Variants in PCDH15 observed in about 807,000 individuals in gnomAD.
PCDH15 encodes protocadherin related 15.
A neutral mutation model predicts 178.5 loss-of-function variants in PCDH15; 129 were observed. The ratio of observed to expected loss-of-function variants is 0.72; its 90% CI spans 0.63 to 0.84. The LOEUF (loss-of-function observed/expected upper bound fraction) is 0.84, where lower values mean the gene tolerates loss of function less well. Among genes scored for constraint, PCDH15 ranks in the 40% least tolerant of loss-of-function variants. The pLI is 0.00. For synonymous variants in PCDH15, 800 were observed against 732.0 expected (o/e 1.09, Z -1.50); for missense variants, 2,230 against 2,099.9 (o/e 1.06, Z -1.21).
In PCDH15 at chr10:54,317,283, C is replaced by T; in HGVS notation, c.864G>A (p.Glu288=). 1 of 1,613,706 alleles carries T rather than the reference C, an allele frequency of 6.2e-7. No homozygotes were observed. The highest frequency in any genetic ancestry group is 2.2e-5 in the East Asian group (1 of 44,854). The change falls in exon 8 of 38, where the codon GAG becomes GAA. Residue 288 remains glutamate (E), a synonymous_variant. Coordinates refer to ENST00000644397, the MANE Select transcript of PCDH15 (RefSeq NM_001384140.1). ...RPLTYQAAIP[E]LRTPEELNPI... ...AGAGTATATTTACCGGAGTTCTCAA[C>T]TCAGGTATGGCAGCTTGATAAGTGA...
chr10:54,708,053 C>A (rs2095384753), intron 1 of PCDH15, among the ~76,000 whole-genome samples: 3 of 152,006 alleles, frequency 2.0e-5, no homozygotes. Context: ...AAAATATATG[C>A]AATTATAAAA....
chr10:53,960,227 CTTAT>C (rs2088154142), intron 22 of PCDH15, among the ~76,000 whole-genome samples: 2 of 152,254 alleles, frequency 1.3e-5, no homozygotes, highest in South Asian at 4.1e-4. Context: ...CACCAATACA[CTTAT>C]TTAAGAAGTG....
Position 54,734,458 on chromosome 10 carries a change from A to C in PCDH15, c.-29+66467T>G, listed in dbSNP as rs11004522. Among the ~76,000 whole-genome samples, 1,436 of 151,974 alleles carry C rather than the reference A, an allele frequency of 9.4e-3. 20 individuals are homozygous for C. Among genetic ancestry groups the C allele is most frequent in the East Asian group, 0.055 (282 of 5,140 alleles). ...GACACACTCATGCATTGCTGGTGAA[A>C]ATGCAAGATAAGACAACAACTTTGG... On this transcript the variant is annotated intron_variant, in intron 1 of 37. Coordinates refer to ENST00000644397, the MANE Select transcript of PCDH15 (RefSeq NM_001384140.1).
rs142618720 is a variant in PCDH15 at position 55,222,730 on chromosome 10, C to CATATATATAT, written c.-155-56089_-155-56080dup. ...CTTTATACACACACACACACACACA[C>CATATATATAT]ATATATATATATATATATATATATA... On this transcript the variant is annotated intron_variant, in intron 1 of 5. Transcript: ENST00000458638. 5.0e-4 allele frequency among the ~76,000 whole-genome samples: 61 copies of CATATATATAT among 121,156 alleles called. 1 individual carries two copies. The highest frequency in any genetic ancestry group is 5.9e-4 in the Non-Finnish European group (35 of 59,052). The allele number at this position is 121,156 out of a possible 152,430, so 79.5% of individuals were successfully genotyped here.
intron 2 of PCDH15, among the ~76,000 whole-genome samples, chr10:55,021,252 T>C (rs1409776379): frequency 6.6e-6 from 1 of 152,186 alleles, no homozygotes; most frequent in Non-Finnish European, 1.5e-5. Flanking sequence ...AACCATCTCT[T>C]TCTGGTATTA....
intron 29 of PCDH15, among the ~76,000 whole-genome samples, chr10:53,837,924 C>A (rs1323599018): frequency 6.6e-6 from 1 of 151,200 alleles, no homozygotes; most frequent in African/African-American, 2.4e-5. Context: ...TATTTCATGG[C>A]TATTCTATCT....
chr10:54,882,392 C>T (rs1954280135), intron 3 of PCDH15, among the ~76,000 whole-genome samples: 1 of 151,948 alleles, frequency 6.6e-6, no homozygotes, highest in Non-Finnish European at 1.5e-5. Flanking sequence ...TCTACTTCCC[C>T]ACAGTTTTAT....
intron 2 of PCDH15, among the ~76,000 whole-genome samples, chr10:55,553,678 A>T (rs907945081): frequency 4.0e-5 from 6 of 151,814 alleles, no homozygotes; most frequent in African/African-American, 1.2e-4. Context: ...TGTATCTTAA[A>T]TTTTTTTGTC....
chr10:54,779,394 C>A (rs34133409), intron 1 of PCDH15, among the ~76,000 whole-genome samples: 16,185 of 103,762 alleles, frequency 0.16, 1,092 homozygotes, highest in South Asian at 0.21. Flanking sequence ...CTCTCTCTCT[C>A]TATATATATA....
intron 2 of PCDH15, among the ~76,000 whole-genome samples, chr10:55,516,201 C>G (rs192177664): frequency 4.3e-4 from 66 of 152,112 alleles, no homozygotes; most frequent in Admixed American, 1.2e-3. Context: ...CGGTTCCCCC[C>G]CATACCGTTC....
chr10:54,334,140 C>T (rs892760415), intron 6 of PCDH15, among the ~76,000 whole-genome samples: 3 of 152,130 alleles, frequency 2.0e-5, no homozygotes, highest in African/African-American at 7.2e-5. Flanking sequence ...CCCACACGCC[C>T]CAAACACCTG....
intron 6 of PCDH15, among the ~76,000 whole-genome samples, chr10:54,341,811 G>A (rs1942285270): frequency 6.6e-6 from 1 of 152,168 alleles, no homozygotes; most frequent in Non-Finnish European, 1.5e-5. Context: ...TGGAGCAAAA[G>A]TCACTCTTGC....
At chr10:53,868,362 T>A (rs1166191199) in intron 26 of PCDH15, among the ~76,000 whole-genome samples, 4 of 152,050 alleles carry the variant, frequency 2.6e-5, no homozygotes, top group Non-Finnish European at 5.9e-5. Flanking sequence ...CAAAATAACA[T>A]CATACAAAAA....
At chr10:54,810,717 A>C (rs1272066895) in intron 3 of PCDH15, among the ~76,000 whole-genome samples, 1 of 152,188 alleles carries the variant, frequency 6.6e-6, no homozygotes, top group Non-Finnish European at 1.5e-5. Flanking sequence ...TGAAAATATG[A>C]GAGCTAATTT....
At chr10:53,925,781 GT>G (rs971210509) in intron 25 of PCDH15, among the ~76,000 whole-genome samples, 1 of 152,074 alleles carries the variant, frequency 6.6e-6, no homozygotes, top group African/African-American at 2.4e-5. Context: ...TGCAAATTAA[GT>G]TTTTTTCTTT....
At chr10:54,266,857 G>A (rs951182176) in intron 8 of PCDH15, among the ~76,000 whole-genome samples, 1 of 151,898 alleles carries the variant, frequency 6.6e-6, no homozygotes, top group Admixed American at 6.6e-5. Flanking sequence ...GACATACAAA[G>A]AGGAGCTCAT....
At chr10:54,452,002 A>T (rs572809668) in intron 3 of PCDH15, among the ~76,000 whole-genome samples, 107 of 152,022 alleles carry the variant, frequency 7.0e-4, no homozygotes, top group African/African-American at 2.4e-3. Context: ...GGAGCTCTAA[A>T]TTATGTAGAA....
At chr10:54,408,001 G>A (rs1244115324) in intron 3 of PCDH15, among the ~76,000 whole-genome samples, 1 of 137,958 alleles carries the variant, frequency 7.2e-6, no homozygotes, top group Non-Finnish European at 1.5e-5. Flanking sequence ...GTTGCAGTGA[G>A]TGGAGATCAT....
chr10:54,907,834 A>G lies in PCDH15; in HGVS notation c.-79-10334T>C, dbSNP rs1197582059. On this transcript the variant is annotated intron_variant, in intron 2 of 5. Coordinates refer to the PCDH15 transcript ENST00000458638. ...TTGAAAATAATTTTAAGAAATTTGT[A>G]TAGATACACCATACCCTATGAAAGC... is the stretch of plus-strand genomic sequence containing the variant. 3.3e-5 allele frequency among the ~76,000 whole-genome samples: 5 copies of G among 152,232 alleles called. 1 individual carries two copies. The highest frequency in any genetic ancestry group is 3.3e-4 in the Admixed American group (5 of 15,272).
Sources: allele counts gnomAD v4.1 joint callset (sites outside exome capture counted in the v4.1 genomes callset), GRCh38; gene constraint gnomAD v4.1.1; transcripts MANE v1.5; gene names NCBI Gene and HGNC (gene_info 2026-07-23, HGNC 2026-07-21).